The following OR2W3 variants were observed in gnomAD, a reference collection of about 807,000 sequenced individuals.
OR2W3 encodes the protein olfactory receptor 2W3.
For synonymous variants in OR2W3, 196 were observed against 168.2 expected (o/e 1.17, Z -1.28); for missense variants, 448 against 397.0 (o/e 1.13, Z -1.09).
chr1:247,895,598 C>G lies in OR2W3; in HGVS notation c.12C>G (p.Thr4=). 2.5e-6 allele frequency: 4 copies of G among 1,606,272 alleles called. No homozygotes were observed. Among genetic ancestry groups the G allele is most frequent in the Non-Finnish European group, 2.6e-6 (3 of 1,174,100 alleles). Residue 4 remains threonine (T), a synonymous_variant, in exon 1 of 1, where the codon ACC becomes ACG. Coordinates refer to ENST00000360358, the MANE Select transcript of OR2W3 (RefSeq NM_001001957.2). MDG[T]NGSTQTHFIL... ...CAGCAGCAGTAGAGATGGATGGAACCAATGGCAGCACCCAAACCCATTTCA... is the reference window on the plus strand; with the variant it reads ...CAGCAGCAGTAGAGATGGATGGAACGAATGGCAGCACCCAAACCCATTTCA...
At position 247,896,341 on chromosome 1, in the gene OR2W3, A is replaced by T; in HGVS notation, c.755A>T (p.Tyr252Phe). 6.2e-7 allele frequency: 1 copy of T among 1,614,118 alleles called. No individual in the cohort carries two copies. Among genetic ancestry groups the T allele is most frequent in the African/African-American group, 1.3e-5 (1 of 75,022 alleles). The change falls in exon 1 of 1, where the codon TAT becomes TTT. Residue 252 changes from tyrosine (Y) to phenylalanine (F), a missense_variant. Transcript: ENST00000360358. ...GSHLTVVSLF[Y>F]GNIIYMYMQP... ...CATCTCACTGTGGTCTCCCTTTTCTATGGAAACATCATCTACATGTACATG... is the reference window on the plus strand; with the variant it reads ...CATCTCACTGTGGTCTCCCTTTTCTTTGGAAACATCATCTACATGTACATG...
chr1:247,895,688 G>A lies in OR2W3; in HGVS notation c.102G>A (p.Ala34=), dbSNP rs145243011. ...TCCTCTTTGTGGTCATCCTGATCGCGTACCTCCTGACCCTCGTAGGCAACA... is the reference window on the plus strand; with the variant it reads ...TCCTCTTTGTGGTCATCCTGATCGCATACCTCCTGACCCTCGTAGGCAACA... ...ERILFVVILI[A]YLLTLVGNTT... is the part of the protein sequence containing the mutation. Residue 34 remains alanine, a synonymous_variant, in exon 1 of 1, where the codon GCG becomes GCA. Coordinates refer to ENST00000360358, the MANE Select transcript of OR2W3 (RefSeq NM_001001957.2). The A allele has an allele frequency of 3.3e-5, 53 of 1,613,702 alleles. No individual in the cohort carries two copies. The Admixed American group carries it at 4.5e-4, about 14-fold the overall frequency.
chr1:247,896,468 CAGAG>C lies in OR2W3; in HGVS notation c.885_888del (p.Glu296Ter). The C allele has an allele frequency of 1.9e-6, 3 of 1,610,240 alleles. No homozygotes were observed. Among genetic ancestry groups the C allele is most frequent in the Non-Finnish European group, 1.7e-6 (2 of 1,178,442 alleles). ...ATCCTCTCATCTACACCCTCAGAAA[CAGAG>C]AGGTGAAGGGGGCACTGGGAAGGTT... On this transcript the variant is annotated frameshift_variant, in exon 1 of 1. Coordinates refer to ENST00000360358, the MANE Select transcript of OR2W3 (RefSeq NM_001001957.2). LOFTEE classifies it low-confidence loss of function (END_TRUNC).
At position 247,896,232 on chromosome 1, in the gene OR2W3, C is replaced by G; in HGVS notation, c.646C>G (p.Leu216Val). ...GCTGTCCCCCTTGGTGTTTATCCTG[C>G]TCTCTTACAGCTACATTGTGAGGGC... ...VVLSPLVFIL[L>V]SYSYIVRAVL... The change falls in exon 1 of 1, where the codon CTC becomes GTC. Residue 216 changes from leucine to valine, a missense_variant. Coordinates refer to ENST00000360358, the MANE Select transcript of OR2W3 (RefSeq NM_001001957.2). 1 of 1,614,202 alleles carries G rather than the reference C, an allele frequency of 6.2e-7. No individual in the cohort carries two copies. The highest frequency in any genetic ancestry group is 8.5e-7 in the Non-Finnish European group (1 of 1,180,038).
rs754327817 is a variant in OR2W3, at chr1:247,896,175, G to A, written c.589G>A (p.Gly197Ser). ...CTGCGTCAGCACTGTGGCCATCGAA[G>A]GCACCGTCTTTGTCCTGGCGGTGGG... ...MACVSTVAIE[G>S]TVFVLAVGVV... Residue 197 changes from glycine to serine, a missense_variant, in exon 1 of 1, where the codon GGC becomes AGC. Physicochemically the swap from Gly to Ser is moderately conservative, Grantham distance 56. Transcript: ENST00000360358. 15 of 1,613,890 alleles carry A rather than the reference G, an allele frequency of 9.3e-6. No individual in the cohort carries two copies. Among genetic ancestry groups the A allele is most frequent in the East Asian group, 2.2e-5 (1 of 44,878 alleles).
Position 247,896,141 on chromosome 1 carries a change from C to G in OR2W3, c.555C>G (p.Ile185Met), listed in dbSNP as rs772324117. 10 of 1,614,078 alleles carry G rather than the reference C, an allele frequency of 6.2e-6. No homozygotes were observed. In the African/African-American group the frequency reaches 9.3e-5, roughly 15 times the overall value. The change falls in exon 1 of 1, where the codon ATC becomes ATG. Residue 185 changes from isoleucine (I) to methionine (M), a missense_variant. Transcript: ENST00000360358. ...TCCTGCGTGAGATGCCCGCCCTGAT[C>G]CGGATGGCCTGCGTCAGCACTGTGG... is the stretch of plus-strand genomic sequence containing the variant. ...DHFLREMPAL[I>M]RMACVSTVAI...
chr1:247,896,410 T>C lies in OR2W3; in HGVS notation c.824T>C (p.Met275Thr), dbSNP rs11204546. The C allele has an allele frequency of 0.63, 1,009,805 of 1,612,292 alleles. 322,623 individuals are homozygous for C. Among genetic ancestry groups the C allele is most frequent in the Non-Finnish European group, 0.66 (781,581 of 1,178,820 alleles). Residue 275 changes from methionine (M) to threonine (T), a missense_variant, in exon 1 of 1, where the codon ATG (methionine) becomes ACG (threonine). Physicochemically the swap from Met to Thr is moderately conservative, Grantham distance 81 (BLOSUM62 -1). Coordinates refer to ENST00000360358, the MANE Select transcript of OR2W3 (RefSeq NM_001001957.2). ...SSSQDQGMFL[M>T]LFYNIVTPLL... The stretch of plus-strand genomic sequence containing the variant: ...TCCCAGGACCAGGGCATGTTCCTCA[T>C]GCTCTTCTACAACATTGTCACCCCC...
In OR2W3 at chr1:247,895,931, G is replaced by A. The variant is rs1012683870; in HGVS notation, c.345G>A (p.Leu115=). The A allele has an allele frequency of 6.2e-7, 1 of 1,613,908 alleles. No homozygotes were observed. Among genetic ancestry groups the A allele is most frequent in the Non-Finnish European group, 8.5e-7 (1 of 1,179,924 alleles). The change falls in exon 1 of 1, where the codon CTG becomes CTA. Residue 115 remains leucine, a synonymous_variant. Transcript: ENST00000360358. The part of the protein sequence containing the change: ...LGLGGVECLL[L]AVMAYDRCVA... ...TGGGTGGTGTGGAGTGCCTGCTTCT[G>A]GCTGTCATGGCCTATGACCGGTGTG...
Position 247,896,076 on chromosome 1 carries a change from C to T in OR2W3, c.490C>T (p.Leu164=), listed in dbSNP as rs1476202139. 1 of 1,614,084 alleles carries T rather than the reference C, an allele frequency of 6.2e-7. No homozygotes were observed. Among genetic ancestry groups the T allele is most frequent in the Non-Finnish European group, 8.5e-7 (1 of 1,180,044 alleles). The change falls in exon 1 of 1, where the codon CTG becomes TTG. Residue 164 remains leucine, a synonymous_variant. Coordinates refer to ENST00000360358, the MANE Select transcript of OR2W3 (RefSeq NM_001001957.2). ...CTCCTTGGCCATGTCTCCTGTGACC[C>T]TGCGCTTACCCCGCTGTGGGCACCA... The part of the protein sequence containing the change: ...ANSLAMSPVT[L]RLPRCGHHEV...
chr1:247,895,629 C>T lies in OR2W3; in HGVS notation c.43C>T (p.Leu15=), dbSNP rs768070708. The T allele has an allele frequency of 6.2e-7, 1 of 1,613,846 alleles. No homozygotes were observed. Among genetic ancestry groups the T allele is most frequent in the Non-Finnish European group, 8.5e-7 (1 of 1,179,806 alleles). ...CAGCACCCAAACCCATTTCATCCTA[C>T]TGGGATTCTCTGACCGACCCCATCT... ...NGSTQTHFIL[L]GFSDRPHLER... is the part of the protein sequence containing the mutation. The change falls in exon 1 of 1, where the codon CTG becomes TTG. Residue 15 remains leucine, a synonymous_variant. Transcript: ENST00000360358.
Position 247,895,647 on chromosome 1 carries a change from C to A in OR2W3, c.61C>A (p.Pro21Thr). ...HFILLGFSDR[P>T]HLERILFVVI... ...CATCCTACTGGGATTCTCTGACCGA[C>A]CCCATCTGGAGAGGATCCTCTTTGT... Residue 21 changes from proline (P) to threonine (T), a missense_variant, in exon 1 of 1, where the codon CCC becomes ACC. Transcript: ENST00000360358. 1.9e-6 allele frequency: 3 copies of A among 1,613,970 alleles called. No individual in the cohort carries two copies. In the South Asian group the frequency reaches 3.3e-5, roughly 18 times the overall value.
Position 247,895,783 on chromosome 1 carries a change from TTTCCTTCC to T in OR2W3, c.199_206del (p.Ser67GlyfsTer17). On this transcript the variant is annotated frameshift_variant, in exon 1 of 1. Transcript: ENST00000360358. LOFTEE classifies it low-confidence loss of function (END_TRUNC). Reference sequence around the variant, plus strand: ...CCCATGTACTTCTTCCTCGCCCACCTTTCCTTCCTGGACCTCAGTTTCACCACCAGCTC... The same window carrying T: ...CCCATGTACTTCTTCCTCGCCCACCTTGGACCTCAGTTTCACCACCAGCTC... 18 of 1,614,014 alleles carry T rather than the reference TTTCCTTCC, an allele frequency of 1.1e-5. No individual in the cohort carries two copies. Among genetic ancestry groups the T allele is most frequent in the Non-Finnish European group, 1.5e-5 (18 of 1,179,960 alleles).
rs763034635 is a variant in OR2W3, at chr1:247,895,930, T to C, written c.344T>C (p.Leu115Pro). 1.9e-6 allele frequency: 3 copies of C among 1,614,022 alleles called. No homozygotes were observed. Among genetic ancestry groups the C allele is most frequent in the African/African-American group, 2.7e-5 (2 of 74,936 alleles). Residue 115 changes from leucine to proline, a missense_variant, in exon 1 of 1, where the codon CTG (leucine) becomes CCG (proline). Leu to Pro is a moderately conservative substitution (Grantham distance 98). Transcript: ENST00000360358. The part of the protein sequence containing the change: ...LGLGGVECLL[L>P]AVMAYDRCVA... ...CTGGGTGGTGTGGAGTGCCTGCTTC[T>C]GGCTGTCATGGCCTATGACCGGTGT... is the stretch of plus-strand genomic sequence containing the variant.
rs1280646223 is a variant in OR2W3, at chr1:247,895,844, T to G, written c.258T>G (p.Asn86Lys). Residue 86 changes from asparagine (N) to lysine (K), a missense_variant, in exon 1 of 1, where the codon AAT becomes AAG. Asn to Lys is a moderately conservative substitution (Grantham distance 94, BLOSUM62 0). Transcript: ENST00000360358. ...SSIPQLLYNL[N>K]GCDKTISYMG... ...TCCCCCAGCTGCTCTACAACCTTAA[T>G]GGATGTGACAAGACCATCAGCTACA... 1 of 1,613,966 alleles carries G rather than the reference T, an allele frequency of 6.2e-7. No homozygotes were observed. Among genetic ancestry groups the G allele is most frequent in the Admixed American group, 1.7e-5 (1 of 60,018 alleles).
At position 247,895,886 on chromosome 1, in the gene OR2W3, G is replaced by T. The variant is rs1659597977; in HGVS notation, c.300G>T (p.Gln100His). 2 of 1,614,140 alleles carry T rather than the reference G, an allele frequency of 1.2e-6. No homozygotes were observed. The highest frequency in any genetic ancestry group is 2.2e-5 in the South Asian group (2 of 91,078). ...TCAGCTACATGGGCTGTGCCATCCA[G>T]CTCTTCCTGTTCCTGGGTCTGGGTG... ...KTISYMGCAI[Q>H]LFLFLGLGGV... The change falls in exon 1 of 1, where the codon CAG becomes CAT. Residue 100 changes from glutamine (Q) to histidine (H), a missense_variant. Gln to His is a conservative substitution (Grantham distance 24). Transcript: ENST00000360358.
In OR2W3 at chr1:247,896,162, T is replaced by A; in HGVS notation, c.576T>A (p.Thr192=). 1 of 1,614,166 alleles carries A rather than the reference T, an allele frequency of 6.2e-7. No homozygotes were observed. The highest frequency in any genetic ancestry group is 8.5e-7 in the Non-Finnish European group (1 of 1,179,986). The change falls in exon 1 of 1, where the codon ACT becomes ACA. Residue 192 remains threonine, a synonymous_variant. Transcript: ENST00000360358. ...PALIRMACVS[T]VAIEGTVFVL... ...TGATCCGGATGGCCTGCGTCAGCAC[T>A]GTGGCCATCGAAGGCACCGTCTTTG...
chr1:247,896,298 T>A lies in OR2W3; in HGVS notation c.712T>A (p.Phe238Ile). The change falls in exon 1 of 1, where the codon TTC (phenylalanine) becomes ATC (isoleucine). Residue 238 changes from phenylalanine (F) to isoleucine (I), a missense_variant. Physicochemically the swap from Phe to Ile is conservative, Grantham distance 21 (BLOSUM62 0). Coordinates refer to ENST00000360358, the MANE Select transcript of OR2W3 (RefSeq NM_001001957.2). ...IRSASGRQKAFGTCGSHLTVV... is the reference protein window; with the variant it reads ...IRSASGRQKAIGTCGSHLTVV... ...GTCAGCATCAGGAAGGCAGAAGGCC[T>A]TCGGCACCTGCGGCTCCCATCTCAC... 4 of 1,614,148 alleles carry A rather than the reference T, an allele frequency of 2.5e-6. No homozygotes were observed. Among genetic ancestry groups the A allele is most frequent in the Non-Finnish European group, 3.4e-6 (4 of 1,179,978 alleles).
chr1:247,896,155 T>C lies in OR2W3; in HGVS notation c.569T>C (p.Val190Ala). ...EMPALIRMAC[V>A]STVAIEGTVF... Reference sequence around the variant, plus strand: ...CCCGCCCTGATCCGGATGGCCTGCGTCAGCACTGTGGCCATCGAAGGCACC... The same window carrying C: ...CCCGCCCTGATCCGGATGGCCTGCGCCAGCACTGTGGCCATCGAAGGCACC... Residue 190 changes from valine to alanine, a missense_variant, in exon 1 of 1, where the codon GTC (valine) becomes GCC (alanine). Coordinates refer to ENST00000360358, the MANE Select transcript of OR2W3 (RefSeq NM_001001957.2). The C allele has an allele frequency of 6.2e-7, 1 of 1,614,150 alleles. No individual in the cohort carries two copies. The highest frequency in any genetic ancestry group is 8.5e-7 in the Non-Finnish European group (1 of 1,180,002).
At position 247,895,767 on chromosome 1, in the gene OR2W3, T is replaced by A; in HGVS notation, c.181T>A (p.Phe61Ile). The change falls in exon 1 of 1, where the codon TTC becomes ATC. Residue 61 changes from phenylalanine (F) to isoleucine (I), a missense_variant. Coordinates refer to ENST00000360358, the MANE Select transcript of OR2W3 (RefSeq NM_001001957.2). ...CCCCCACCTCCACACCCCCATGTAC[T>A]TCTTCCTCGCCCACCTTTCCTTCCT... Reference protein sequence around the residue: ...LDPHLHTPMYFFLAHLSFLDL... With the variant: ...LDPHLHTPMYIFLAHLSFLDL... 1 of 1,614,062 alleles carries A rather than the reference T, an allele frequency of 6.2e-7. No individual in the cohort carries two copies. The highest frequency in any genetic ancestry group is 8.5e-7 in the Non-Finnish European group (1 of 1,179,986).
Sources: allele counts gnomAD v4.1 joint callset, GRCh38; gene constraint gnomAD v4.1.1; transcripts MANE v1.5; gene names NCBI Gene and HGNC (gene_info 2026-07-23, HGNC 2026-07-21).